The following ZZZ3 variants were observed in gnomAD, a reference collection of about 807,000 sequenced individuals.
ZZZ3 encodes the protein ZZ-type zinc finger-containing protein 3.
Under a neutral mutation model 95.2 loss-of-function variants are expected in ZZZ3, and 22 were observed. The observed-to-expected ratio is 0.23, with a 90% CI of 0.17 to 0.33. The LOEUF is 0.33. ZZZ3 is among the 10% of genes least tolerant of loss of function. The probability of loss-of-function intolerance (pLI) is 1.00; values close to 1 mark genes in which losing one functional copy is unlikely to be tolerated. For missense variants in ZZZ3, 885 were observed against 1,066.5 expected (o/e 0.83, Z 2.37); for synonymous variants, 335 against 358.9 (o/e 0.93, Z 0.75).
chr1:77,579,664 G>A (rs763826257), intron 9 of ZZZ3, 36 bp from the exon 10 acceptor site: 6 of 1,201,508 alleles, frequency 5.0e-6, no homozygotes, highest in Middle Eastern at 3.9e-4. Context: ...AAGAAAATAT[G>A]TATTTAATTT....
At chr1:77,605,527 G>C (rs920846781) in intron 5 of ZZZ3, among the ~76,000 whole-genome samples, 1 of 152,162 alleles carries the variant, frequency 6.6e-6, no homozygotes, top group Non-Finnish European at 1.5e-5. Flanking sequence ...GCAATTAAGG[G>C]AGTGCTTGCA....
At chr1:77,589,773 T>C (rs1266843595) in intron 5 of ZZZ3, among the ~76,000 whole-genome samples, 1 of 152,146 alleles carries the variant, frequency 6.6e-6, no homozygotes, top group Non-Finnish European at 1.5e-5. Flanking sequence ...AAGTTAATTT[T>C]ACTGTCCAAT....
intron 1 of ZZZ3, among the ~76,000 whole-genome samples, chr1:77,664,082 C>CT: frequency 6.7e-6 from 1 of 149,044 alleles, no homozygotes. Context: ...ACCAAAATGT[C>CT]TTGGAAAAAA....
intron 1 of ZZZ3, among the ~76,000 whole-genome samples, chr1:77,673,426 G>A (rs1268732926): frequency 4.6e-5 from 7 of 151,958 alleles, no homozygotes; most frequent in Admixed American, 2.6e-4. Flanking sequence ...GAGAAACCCC[G>A]CCTCTACTAA....
chr1:77,663,701 T>G (rs1036021082), intron 1 of ZZZ3, among the ~76,000 whole-genome samples: 3 of 152,160 alleles, frequency 2.0e-5, no homozygotes, highest in African/African-American at 7.2e-5. Flanking sequence ...CAGTTGGATG[T>G]CTGAGACTAT....
intron 1 of ZZZ3, among the ~76,000 whole-genome samples, chr1:77,675,006 T>C (rs1048344170): frequency 3.4e-5 from 5 of 148,602 alleles, no homozygotes; most frequent in African/African-American, 9.9e-5. Context: ...AATCTACATA[T>C]AGTGAAGACA....
intron 5 of ZZZ3, among the ~76,000 whole-genome samples, chr1:77,605,855 G>A (rs529092034): frequency 6.6e-6 from 1 of 152,260 alleles, no homozygotes; most frequent in East Asian, 1.9e-4. Flanking sequence ...GTACATCATG[G>A]GCCTTGGGTG....
At position 77,632,427 on chromosome 1, in the gene ZZZ3, A is replaced by G. The variant is rs1440403681; in HGVS notation, c.928T>C (p.Ser310Pro). ...ATGPFSETQS[S>P]LRDSEEEVDV... ...ACTTCCTCCTCAGAATCCCTTAAAG[A>G]TGACTGAGTTTCAGAAAAGGGCCCT... Residue 310 changes from serine to proline, a missense_variant, in exon 5 of 15, where the codon TCT (serine) becomes CCT (proline). Ser to Pro is a moderately conservative substitution (Grantham distance 74, BLOSUM62 -1). This residue lies in a region of ZZZ3 where 556 missense variants were observed against 652.9 expected (regional missense o/e 0.85). Coordinates refer to ENST00000370801, the MANE Select transcript of ZZZ3 (RefSeq NM_015534.6). 1.2e-6 allele frequency: 2 copies of G among 1,614,108 alleles called. No individual in the cohort carries two copies. The highest frequency in any genetic ancestry group is 1.7e-6 in the Non-Finnish European group (2 of 1,180,006).
chr1:77,632,929 C>A lies in ZZZ3; in HGVS notation c.426G>T (p.Glu142Asp). Residue 142 changes from glutamate (E) to aspartate (D), a missense_variant, in exon 5 of 15, where the codon GAG becomes GAT. By Grantham distance (45) the Glu-to-Asp change is conservative. Around this residue, in one of 5 missense-constraint regions of ZZZ3, gnomAD observed 556 missense variants for 652.9 expected, o/e 0.85. Coordinates refer to ENST00000370801, the MANE Select transcript of ZZZ3 (RefSeq NM_015534.6). ...EEDSPIKSDK[E>D]SVEQRSTVVD... ...CTACTGTACTCCTCTGTTCTACTGA[C>A]TCCTTGTCTGATTTTATAGGAGAAT... is the stretch of plus-strand genomic sequence containing the variant. The A allele has an allele frequency of 6.2e-7, 1 of 1,614,150 alleles. No homozygotes were observed. Among genetic ancestry groups the A allele is most frequent in the Non-Finnish European group, 8.5e-7 (1 of 1,180,034 alleles).
In ZZZ3 at chr1:77,565,371, C is replaced by G; in HGVS notation, c.*269G>C. 1 of 342,042 alleles carries G rather than the reference C, an allele frequency of 2.9e-6. No individual in the cohort carries two copies. The highest frequency in any genetic ancestry group is 5.2e-6 in the Non-Finnish European group (1 of 190,676). 21.2% of individuals were successfully genotyped at this position (342,042 alleles called of 1,614,324 possible). A position where few individuals can be genotyped will look rare whatever the true frequency, so the allele number is the denominator to read the frequency against. On this transcript the variant is annotated 3_prime_UTR_variant, in exon 15 of 15. Transcript: ENST00000370801. ...TCTCTCTTTAATGTGTGCTCTCGTT[C>G]CATCTCACCCATTTAAGATCACCAC...
chr1:77,663,627 A>T (rs2101025424), intron 1 of ZZZ3, among the ~76,000 whole-genome samples: 1 of 152,320 alleles, frequency 6.6e-6, no homozygotes, highest in Admixed American at 6.5e-5. Flanking sequence ...ATCCCTTATT[A>T]TGGACAAAAT....
intron 12 of ZZZ3, among the ~76,000 whole-genome samples, chr1:77,572,845 T>C (rs923003588): frequency 6.6e-6 from 1 of 151,418 alleles, no homozygotes; most frequent in Non-Finnish European, 1.5e-5. Flanking sequence ...GGGGTCTCAC[T>C]ATGTTGCCCA....
intron 5 of ZZZ3, among the ~76,000 whole-genome samples, chr1:77,613,122 T>C (rs1165527238): frequency 6.6e-6 from 1 of 152,112 alleles, no homozygotes; most frequent in East Asian, 1.9e-4. Context: ...TTCTTTAGGT[T>C]GTAGTTGACA....
intron 4 of ZZZ3, among the ~76,000 whole-genome samples, chr1:77,637,519 C>A (rs911564334): frequency 6.6e-6 from 1 of 151,938 alleles, no homozygotes; most frequent in African/African-American, 2.4e-5. Flanking sequence ...TAAAAAGGGA[C>A]CAAAAATGTC....
chr1:77,578,774 C>A lies in ZZZ3; in HGVS notation c.2178G>T (p.Lys726Asn). 6.7e-7 allele frequency: 1 copy of A among 1,502,180 alleles called. No homozygotes were observed. The highest frequency in any genetic ancestry group is 8.9e-7 in the Non-Finnish European group (1 of 1,128,544). 93.1% of individuals were successfully genotyped at this position (1,502,180 alleles called of 1,614,324 possible). A position where few individuals can be genotyped will look rare whatever the true frequency, so the allele number is the denominator to read the frequency against. Residue 726 changes from lysine to asparagine, a missense_variant and splice_region_variant, in exon 11 of 15, where the codon AAG becomes AAT. Coordinates refer to ENST00000370801, the MANE Select transcript of ZZZ3 (RefSeq NM_015534.6). ...RTPNLYIYSK[K>N]SSTSRRQHPL... ...TTTACTTTCATGTATTTTCTTTTAC[C>A]TTTTTGGAGTATATATATAAGTTTG...
chr1:77,673,728 T>A (rs1671998187), intron 1 of ZZZ3, among the ~76,000 whole-genome samples: 1 of 152,230 alleles, frequency 6.6e-6, no homozygotes, highest in Admixed American at 6.5e-5. Flanking sequence ...ACCACAATGT[T>A]GTACTGTTCA....
rs2100848770 is a variant in ZZZ3 at position 77,632,481 on chromosome 1, C to A, written c.874G>T (p.Val292Phe). 1 of 1,614,162 alleles carries A rather than the reference C, an allele frequency of 6.2e-7. No individual in the cohort carries two copies. The highest frequency in any genetic ancestry group is 2.2e-5 in the East Asian group (1 of 44,882). ...IVTACLPVEH[V>F]NQLTTEPATG... ...GCTGGCTCAGTAGTCAGCTGATTAA[C>A]ATGTTCCACAGGCAAGCAGGCAGTT... is the stretch of plus-strand genomic sequence containing the variant. Residue 292 changes from valine to phenylalanine, a missense_variant, in exon 5 of 15, where the codon GTT becomes TTT. Around this residue, in one of 5 missense-constraint regions of ZZZ3, gnomAD observed 556 missense variants for 652.9 expected, o/e 0.85. Coordinates refer to ENST00000370801, the MANE Select transcript of ZZZ3 (RefSeq NM_015534.6).
intron 5 of ZZZ3, among the ~76,000 whole-genome samples, chr1:77,598,053 T>C (rs1664380873): frequency 6.6e-6 from 1 of 152,088 alleles, no homozygotes; most frequent in Admixed American, 6.6e-5. Context: ...AATAAATAAA[T>C]ACAGTCGACC....
intron 1 of ZZZ3, among the ~76,000 whole-genome samples, chr1:77,674,589 T>C (rs962431639): frequency 1.3e-5 from 2 of 152,174 alleles, no homozygotes; most frequent in Admixed American, 1.3e-4. Flanking sequence ...GAACTTTCTG[T>C]GTGTATTATA....
Sources: allele counts gnomAD v4.1 joint callset (sites outside exome capture counted in the v4.1 genomes callset), GRCh38; gene constraint gnomAD v4.1.1; regional missense constraint gnomAD v4.1.1; transcripts MANE v1.5; gene names NCBI Gene and HGNC (gene_info 2026-07-23, HGNC 2026-07-21).